Variants in CYP4A11 observed in about 807,000 individuals in gnomAD.
CYP4A11 encodes the protein cytochrome P450 4A11.
Under a neutral mutation model 57.7 loss-of-function variants are expected in CYP4A11, and 52 were observed. The observed-to-expected ratio is 0.90, with a 90% CI of 0.72 to 1.14. The LOEUF is 1.14. Ranked by LOEUF, CYP4A11 falls within the 50% of genes most tolerant of loss-of-function variation. The probability of loss-of-function intolerance (pLI) is 0.00; values close to 1 mark genes in which losing one functional copy is unlikely to be tolerated. For missense variants in CYP4A11, 641 were observed against 642.1 expected (o/e 1.00, Z 0.02); for synonymous variants, 228 against 247.1 (o/e 0.92, Z 0.72).
intron 2 of CYP4A11, among the ~76,000 whole-genome samples, chr1:46,937,583 G>T (rs1311464869): frequency 1.3e-5 from 2 of 152,144 alleles, no homozygotes; most frequent in Non-Finnish European, 2.9e-5. Context: ...AGAAACATAG[G>T]CTAGGTCTTC....
At chr1:46,940,601 C>T (rs9332981) in intron 1 of CYP4A11, 74,132 of 915,592 alleles carry the variant, frequency 0.081, 3,134 homozygotes, top group East Asian at 0.18. Context: ...GGCTGCCCCC[C>T]TCATGTGTAC....
chr1:46,941,150 A>G, intron 1 of CYP4A11, 89 bp downstream of exon 1: 2 of 1,521,274 alleles, frequency 1.3e-6, no homozygotes, highest in East Asian at 2.3e-5. Flanking sequence ...TTGTTACAAA[A>G]CAAGGCTTTG....
chr1:46,930,156 T>A lies in CYP4A11; in HGVS notation c.1519A>T (p.Arg507Trp). ...KSKNGIHLRL[R>W]RLPNPCEDKD... ...TCTTCACAAGGGTTAGGGAGCCTCC[T>A]GAGACGCAGGTGGATTCCATTTTTG... Residue 507 changes from arginine (R) to tryptophan (W), a missense_variant, in exon 12 of 12, where the codon AGG (arginine) becomes TGG (tryptophan). Arg to Trp is a moderately radical substitution (Grantham distance 101). Transcript: ENST00000310638. 6.2e-7 allele frequency: 1 copy of A among 1,613,968 alleles called. No homozygotes were observed. Among genetic ancestry groups the A allele is most frequent in the Non-Finnish European group, 8.5e-7 (1 of 1,179,928 alleles).
intron 1 of CYP4A11, among the ~76,000 whole-genome samples, chr1:46,939,872 T>G (rs1441917848): frequency 1.4e-5 from 2 of 144,522 alleles, no homozygotes; most frequent in Admixed American, 1.4e-4. Context: ...GAAGGCAGAG[T>G]GGTATTGGGA....
intron 1 of CYP4A11, chr1:46,940,766 C>A: frequency 1.0e-6 from 1 of 985,446 alleles, no homozygotes; most frequent in Non-Finnish European, 1.2e-6. Context: ...CAGTCTGACA[C>A]CTTCTCAAAT....
Position 46,938,050 on chromosome 1 carries a change from C to T in CYP4A11, c.283G>A (p.Val95Ile), listed in dbSNP as rs1278478016. The change falls in exon 2 of 12, where the codon GTT (valine) becomes ATT (isoleucine). Residue 95 changes from valine (V) to isoleucine (I), a missense_variant. Transcript: ENST00000310638. ...TCAGGGTCATAGAGCTGGACACGAA[C>T]TTTGCCTCCCCATAGCCAATGAGGA... Reference protein sequence around the residue: ...ACPHWLWGGKVRVQLYDPDYM... With the variant: ...ACPHWLWGGKIRVQLYDPDYM... 1 of 1,614,094 alleles carries T rather than the reference C, an allele frequency of 6.2e-7. No homozygotes were observed. Among genetic ancestry groups the T allele is most frequent in the African/African-American group, 1.3e-5 (1 of 74,922 alleles).
intron 5 of CYP4A11, 47 bp from the exon 6 acceptor site, chr1:46,935,201 A>G (rs1681308701): frequency 3.2e-6 from 5 of 1,583,616 alleles, no homozygotes; most frequent in South Asian, 1.1e-5. Flanking sequence ...TGGGCCCATT[A>G]CCCGGAAGTA....
At position 46,935,666 on chromosome 1, in the gene CYP4A11, T is replaced by C. The variant is rs756378325; in HGVS notation, c.511-19A>G. The stretch of plus-strand genomic sequence containing the variant: ...ATTTGTCCTGTGGTGGGAGGGGGCA[T>C]GGACCTTCTTAATCTCCAAGAAGTG... On this transcript the variant is annotated intron_variant, in intron 4 of 11. Transcript: ENST00000310638. The C allele has an allele frequency of 6.2e-7, 1 of 1,603,104 alleles. No homozygotes were observed. The highest frequency in any genetic ancestry group is 1.7e-5 in the Admixed American group (1 of 57,892).
At chr1:46,940,601 C>G (rs9332981) in intron 1 of CYP4A11, 110 of 916,126 alleles carry the variant, frequency 1.2e-4, no homozygotes, top group Non-Finnish European at 1.3e-4. Context: ...GGCTGCCCCC[C>G]TCATGTGTAC....
rs542619408 is a variant in CYP4A11 at position 46,937,942 on chromosome 1, A to G, written c.337+54T>C. The G allele has an allele frequency of 3.8e-5, 61 of 1,606,160 alleles. 1 individual carries two copies. The highest frequency in any genetic ancestry group is 1.2e-4 in the South Asian group (11 of 90,404). Reference sequence around the variant, plus strand: ...TCTTCTGGAATTTTACAGACCCAGGAGCATGTGTCAAGAGGGAAGACACAT... The same window carrying G: ...TCTTCTGGAATTTTACAGACCCAGGGGCATGTGTCAAGAGGGAAGACACAT... On this transcript the variant is annotated intron_variant, in intron 2 of 11. Coordinates refer to ENST00000310638, the MANE Select transcript of CYP4A11 (RefSeq NM_000778.4).
rs1473493860 is a variant in CYP4A11, at chr1:46,930,220, G to C, written c.1455C>G (p.Thr485=). The change falls in exon 12 of 12, where the codon ACC becomes ACG. Residue 485 remains threonine, a synonymous_variant. Coordinates refer to ENST00000310638, the MANE Select transcript of CYP4A11 (RefSeq NM_000778.4). ...GTCGTGCAATGGGGATGGGGATCCT[G>C]GTGGGATCAGGCAGCAGCTCAAAGC... ...LLRFELLPDP[T]RIPIPIARLV... The C allele has an allele frequency of 1.9e-6, 3 of 1,614,004 alleles. No individual in the cohort carries two copies. Among genetic ancestry groups the C allele is most frequent in the African/African-American group, 2.7e-5 (2 of 74,924 alleles).
At chr1:46,939,026 C>A (rs909077669) in intron 1 of CYP4A11, among the ~76,000 whole-genome samples, 1,600 of 152,154 alleles carry the variant, frequency 0.011, 36 homozygotes, top group African/African-American at 0.037. Context: ...TGCCCTTCCC[C>A]TCTGCCACAG....
intron 1 of CYP4A11, 133 bp downstream of exon 1, chr1:46,941,106 G>A: frequency 1.4e-6 from 2 of 1,431,804 alleles, no homozygotes; most frequent in African/African-American, 1.4e-5. Context: ...TGAGACCAGA[G>A]AGGTAGGCTG....
chr1:46,932,881 C>G (rs752031079), intron 10 of CYP4A11, 44 bp from the exon 11 acceptor site: 1 of 1,614,030 alleles, frequency 6.2e-7, no homozygotes, highest in Admixed American at 1.7e-5. Context: ...GGATCCAGCA[C>G]CTACTTGCCA....
At chr1:46,937,268 G>A (rs1681466902) in intron 3 of CYP4A11, 34 bp downstream of exon 3, 1 of 1,609,662 alleles carries the variant, frequency 6.2e-7, no homozygotes, top group Non-Finnish European at 8.5e-7. Context: ...AACCTGACTA[G>A]GGAGTGGGCT....
At position 46,938,075 on chromosome 1, in the gene CYP4A11, A is replaced by G. The variant is rs1327122839; in HGVS notation, c.258T>C (p.Cys86=). The change falls in exon 2 of 12, where the codon TGT becomes TGC. Residue 86 remains cysteine, a synonymous_variant. Coordinates refer to ENST00000310638, the MANE Select transcript of CYP4A11 (RefSeq NM_000778.4). ...CTTTGCCTCCCCATAGCCAATGAGG[A>G]CAGGCACTTGGGAATGTCTCCACCC... ...QKWVETFPSA[C]PHWLWGGKVR... 6.2e-7 allele frequency: 1 copy of G among 1,614,214 alleles called. No individual in the cohort carries two copies. Among genetic ancestry groups the G allele is most frequent in the Non-Finnish European group, 8.5e-7 (1 of 1,180,024 alleles).
Position 46,930,080 on chromosome 1 carries a change from G to T in CYP4A11, c.*35C>A. 1 of 1,582,482 alleles carries T rather than the reference G, an allele frequency of 6.3e-7. No individual in the cohort carries two copies. The highest frequency in any genetic ancestry group is 8.6e-7 in the Non-Finnish European group (1 of 1,162,108). On this transcript the variant is annotated 3_prime_UTR_variant, in exon 12 of 12. Transcript: ENST00000310638. Reference sequence around the variant, plus strand: ...GGGCAGACAGGAAGGGGACAGAAGCGGGGGTCAGGAAGACAGGACGGCAGG... The same window carrying T: ...GGGCAGACAGGAAGGGGACAGAAGCTGGGGTCAGGAAGACAGGACGGCAGG...
At chr1:46,930,334 T>C (rs1214673550) in intron 11 of CYP4A11, 24 bp from the exon 12 acceptor site, 2 of 1,598,900 alleles carry the variant, frequency 1.3e-6, no homozygotes, top group Middle Eastern at 3.3e-4. Flanking sequence ...AGATAATGAA[T>C]TGAGAAGTGT....
In CYP4A11 at chr1:46,929,236, A is replaced by AACTAATATATTGCTTC. The variant is rs1223723594; in HGVS notation, c.*878_*879insGAAGCAATATATTAGT. ...GCAGTAATAGGAAACTAATATAGGAACAGACAAGCAGGCAGGAAGAAGGAG... is the reference window on the plus strand; with the variant it reads ...GCAGTAATAGGAAACTAATATAGGAAACTAATATATTGCTTCCAGACAAGCAGGCAGGAAGAAGGAG... On this transcript the variant is annotated 3_prime_UTR_variant, in exon 12 of 12. Coordinates refer to ENST00000310638, the MANE Select transcript of CYP4A11 (RefSeq NM_000778.4). The AACTAATATATTGCTTC allele has an allele frequency of 6.6e-6, 1 of 152,192 alleles. No homozygotes were observed. The highest frequency in any genetic ancestry group is 2.4e-5 in the African/African-American group (1 of 41,434). The allele number at this position is 152,192 out of a possible 1,614,324, so 9.4% of individuals were successfully genotyped here.
Sources: allele counts gnomAD v4.1 joint callset (sites outside exome capture counted in the v4.1 genomes callset), GRCh38; gene constraint gnomAD v4.1.1; transcripts MANE v1.5; gene names NCBI Gene and HGNC (gene_info 2026-07-23, HGNC 2026-07-21).